The following TACC2 variants were observed in gnomAD, a reference collection of about 807,000 sequenced individuals.
TACC2 encodes the protein transforming acidic coiled-coil containing protein 2, also known as transforming acidic coiled-coil-containing protein 2.
TACC2 carries 137 observed loss-of-function variants against 227.3 expected under a neutral mutation model. That is an observed-to-expected ratio of 0.60 (90% confidence interval 0.52 to 0.69). TACC2 has a LOEUF of 0.69. TACC2 is among the 30% of genes least tolerant of loss of function. The pLI is 0.00. For synonymous variants in TACC2, 1,523 were observed against 1,487.5 expected (o/e 1.02, Z -0.55); for missense variants, 3,470 against 3,694.4 (o/e 0.94, Z 1.57).
At chr10:122,221,828 A>G (rs540542709) in intron 11 of TACC2, among the ~76,000 whole-genome samples, 4 of 152,340 alleles carry the variant, frequency 2.6e-5, no homozygotes, top group African/African-American at 9.6e-5. Flanking sequence ...GCAAGGAGAT[A>G]TCAGGCGAGT....
chr10:122,253,691 T>C (rs936068969), intron 22 of TACC2, among the ~76,000 whole-genome samples: 3 of 152,266 alleles, frequency 2.0e-5, no homozygotes, highest in Non-Finnish European at 2.9e-5. Context: ...CTTCACTCTG[T>C]GCTGGTCACT....
intron 19 of TACC2, among the ~76,000 whole-genome samples, chr10:122,245,256 G>T (rs2096085352): frequency 6.6e-6 from 1 of 152,180 alleles, no homozygotes; most frequent in Non-Finnish European, 1.5e-5. Flanking sequence ...TGAGTGTAGG[G>T]TGTCTTTCTC....
chr10:122,070,548 G>T (rs556491085), intron 3 of TACC2, among the ~76,000 whole-genome samples: 12 of 152,118 alleles, frequency 7.9e-5, no homozygotes, highest in Non-Finnish European at 1.5e-4. Context: ...GAGGTCGGGA[G>T]TTGGAGACCA....
rs201384640 is a variant in TACC2, at chr10:122,086,971, G to A, written c.4471G>A (p.Asp1491Asn). 220 of 1,613,956 alleles carry A rather than the reference G, an allele frequency of 1.4e-4. No individual in the cohort carries two copies. The highest frequency in any genetic ancestry group is 3.2e-5 in the Non-Finnish European group (38 of 1,180,044). ...EAEISHLALQ[D>N]PASDKLLGPA... ...TGAGATTTCCCATCTGGCTCTGCAA[G>A]ATCCAGCTTCAGACAAGCTTCTGGG... Residue 1491 changes from aspartate to asparagine, a missense_variant, in exon 4 of 23, where the codon GAT becomes AAT. Coordinates refer to ENST00000369005, the MANE Select transcript of TACC2 (RefSeq NM_206862.4).
Position 122,050,824 on chromosome 10 carries a change from T to A in TACC2, c.146+274T>A. 1 of 419,400 alleles carries A rather than the reference T, an allele frequency of 2.4e-6. No individual in the cohort carries two copies. The highest frequency in any genetic ancestry group is 4.3e-6 in the Non-Finnish European group (1 of 235,054). 26.0% of individuals were successfully genotyped at this position (419,400 alleles called of 1,614,324 possible). A position where few individuals can be genotyped will look rare whatever the true frequency, so the allele number is the denominator to read the frequency against. On this transcript the variant is annotated intron_variant, in intron 3 of 22. Coordinates refer to ENST00000369005, the MANE Select transcript of TACC2 (RefSeq NM_206862.4). This position sits in a 1 kb window ranked among gnomAD's most constrained non-coding sequence, Gnocchi z 4.6. The stretch of plus-strand genomic sequence containing the variant: ...GCCACACTCCAGAGTATCTTCATTG[T>A]CAGAACTTAAAATGGAAAACATCAA...
At chr10:121,995,777 C>G (rs1167004263) in intron 1 of TACC2, among the ~76,000 whole-genome samples, 3 of 152,036 alleles carry the variant, frequency 2.0e-5, no homozygotes, top group Admixed American at 2.0e-4. Flanking sequence ...TGTTTTGAGA[C>G]AGAGTCTCGT....
chr10:122,215,322 C>A, intron 9 of TACC2, 69 bp from the exon 10 acceptor site: 1 of 1,426,996 alleles, frequency 7.0e-7, no homozygotes, highest in South Asian at 1.2e-5. Flanking sequence ...AGCTTCGGTC[C>A]GCTCTGTACT....
intron 2 of TACC2, among the ~76,000 whole-genome samples, chr10:122,049,854 C>A (rs1282678626): frequency 6.6e-6 from 1 of 151,828 alleles, no homozygotes; most frequent in Non-Finnish European, 1.5e-5. Context: ...ATAAAAACAA[C>A]AACAACAAAT....
chr10:122,250,375 C>G (rs543366017), intron 22 of TACC2, among the ~76,000 whole-genome samples: 1 of 152,348 alleles, frequency 6.6e-6, no homozygotes, highest in East Asian at 1.9e-4. Flanking sequence ...TGGGGTTCCC[C>G]TGCGTAGTCA....
intron 3 of TACC2, among the ~76,000 whole-genome samples, chr10:122,062,541 C>T (rs185811051): frequency 3.0e-4 from 46 of 151,418 alleles, no homozygotes; most frequent in African/African-American, 9.2e-4. Flanking sequence ...CTCGAACTCC[C>T]GACCTTAGGT....
chr10:122,184,082 C>T lies in TACC2; in HGVS notation c.5835-10958C>T, dbSNP rs143897522. 4.6e-5 allele frequency among the ~76,000 whole-genome samples: 7 copies of T among 152,330 alleles called. No homozygotes were observed. In the East Asian group the frequency reaches 1.4e-3, roughly 29 times the overall value. ...GCTCTGAGGGACGGTAACATGTCAG[C>T]TGAGGTGAGCGGCCGTGGGGTTATT... On this transcript the variant is annotated intron_variant, in intron 7 of 22. Coordinates refer to ENST00000369005, the MANE Select transcript of TACC2 (RefSeq NM_206862.4).
At chr10:122,129,060 A>AATAATTATTATT (rs770189769) in intron 5 of TACC2, among the ~76,000 whole-genome samples, 6 of 128,554 alleles carry the variant, frequency 4.7e-5, no homozygotes, top group Non-Finnish European at 1.0e-4. Context: ...ATCTTATTTT[A>AATAATTATTATT]ATTATTATTA....
chr10:122,217,046 G>C, intron 11 of TACC2: 3 of 911,050 alleles, frequency 3.3e-6, no homozygotes, highest in Non-Finnish European at 4.8e-6. Flanking sequence ...CTCCTGCTAA[G>C]AGCCAGCACG....
chr10:122,215,365 G>T (rs537579938), intron 9 of TACC2, 26 bp from the exon 10 acceptor site: 25 of 1,609,236 alleles, frequency 1.6e-5, no homozygotes, highest in Middle Eastern at 1.7e-4. Flanking sequence ...TGCTTGTTGT[G>T]TTTACGTTTT....
intron 2 of TACC2, among the ~76,000 whole-genome samples, chr10:122,039,995 GT>G (rs2135981886): frequency 6.6e-6 from 1 of 152,238 alleles, no homozygotes; most frequent in Admixed American, 6.5e-5. Flanking sequence ...CCCCTTGTGG[GT>G]GCCTTTTGCA....
At chr10:122,123,282 G>A (rs1344315229) in intron 5 of TACC2, among the ~76,000 whole-genome samples, 3 of 152,156 alleles carry the variant, frequency 2.0e-5, no homozygotes, top group Non-Finnish European at 4.4e-5. Flanking sequence ...TGGGATTACA[G>A]CTGTGAGCCA....
At chr10:122,164,783 G>T (rs373473686) in intron 7 of TACC2, among the ~76,000 whole-genome samples, 1 of 152,198 alleles carries the variant, frequency 6.6e-6, no homozygotes, top group Admixed American at 6.5e-5. Context: ...GGACCTCCCA[G>T]CCTCACCTGC....
At chr10:122,045,866 A>G (rs1208410345) in intron 2 of TACC2, among the ~76,000 whole-genome samples, 1 of 152,212 alleles carries the variant, frequency 6.6e-6, no homozygotes, top group Admixed American at 6.5e-5. Context: ...ATTCTTGCAG[A>G]TTAGCTTTCT....
intron 3 of TACC2, among the ~76,000 whole-genome samples, chr10:122,063,239 C>T (rs1444183784): frequency 6.6e-6 from 1 of 152,238 alleles, no homozygotes; most frequent in Non-Finnish European, 1.5e-5. Flanking sequence ...ACAGACAGAG[C>T]CCTGTATTTC....
Sources: allele counts gnomAD v4.1 joint callset (sites outside exome capture counted in the v4.1 genomes callset), GRCh38; gene constraint gnomAD v4.1.1; non-coding constraint Gnocchi (gnomAD v3.1); transcripts MANE v1.5; gene names NCBI Gene and HGNC (gene_info 2026-07-23, HGNC 2026-07-21).